Variants in PAK2 observed in about 807,000 individuals in gnomAD.
PAK2 encodes serine/threonine-protein kinase PAK 2.
PAK2 carries 21 observed loss-of-function variants against 65.9 expected under a neutral mutation model. The ratio of observed to expected loss-of-function variants is 0.32; its 90% CI spans 0.23 to 0.46. The LOEUF is 0.46. PAK2 is among the 20% of genes least tolerant of loss of function. The pLI, the probability that PAK2 is intolerant of heterozygous loss-of-function variation, is 1.00. For missense variants in PAK2, 324 were observed against 642.6 expected (o/e 0.50, Z 5.36); for synonymous variants, 204 against 219.7 (o/e 0.93, Z 0.63).
intron 1 of PAK2, among the ~76,000 whole-genome samples, chr3:196,772,338 C>T (rs1714386318): frequency 6.6e-6 from 1 of 152,132 alleles, no homozygotes; most frequent in South Asian, 2.1e-4. Context: ...GTCAGAATCC[C>T]TCGAGAATAA....
chr3:196,807,883 G>A lies in PAK2; in HGVS notation c.678G>A (p.Lys226=). 1 of 1,598,854 alleles carries A rather than the reference G, an allele frequency of 6.3e-7. No homozygotes were observed. The highest frequency in any genetic ancestry group is 8.6e-7 in the Non-Finnish European group (1 of 1,166,342). The change falls in exon 7 of 15, where the codon AAG becomes AAA. Residue 226 remains lysine (K), a synonymous_variant. Coordinates refer to ENST00000327134, the MANE Select transcript of PAK2 (RefSeq NM_002577.4). ...TAGACAAACAGAAAAAGAAGACTAA[G>A]ATGACAGATGAAGAGATTATGGAGA... ...KSLDKQKKKT[K]MTDEEIMEKL...
chr3:196,806,491 A>G, intron 5 of PAK2, 88 bp from the exon 6 acceptor site: 1 of 794,858 alleles, frequency 1.3e-6, no homozygotes, highest in Non-Finnish European at 2.2e-6. Context: ...TCAAAGAAGC[A>G]AACTTTTTGA....
intron 1 of PAK2, among the ~76,000 whole-genome samples, chr3:196,742,929 G>C (rs990468783): frequency 6.6e-6 from 1 of 151,800 alleles, no homozygotes; most frequent in Non-Finnish European, 1.5e-5. Context: ...CATTAAAAAA[G>C]AAAAAGAAAA....
In PAK2 at chr3:196,831,816, A is replaced by G. The variant is rs567472999; in HGVS notation, c.*3411A>G. On this transcript the variant is annotated 3_prime_UTR_variant, in exon 15 of 15. Transcript: ENST00000327134. ...ACATCTAGTGAAATGTCAGTGTCAAAATATTATAGATTATAGCTAAAATCC... is the reference window on the plus strand; with the variant it reads ...ACATCTAGTGAAATGTCAGTGTCAAGATATTATAGATTATAGCTAAAATCC... 1 of 152,194 alleles carries G rather than the reference A, an allele frequency of 6.6e-6. No homozygotes were observed. Among genetic ancestry groups the G allele is most frequent in the Non-Finnish European group, 1.5e-5 (1 of 68,038 alleles). 9.4% of individuals were successfully genotyped at this position (152,194 alleles called of 1,614,324 possible). A position where few individuals can be genotyped will look rare whatever the true frequency, so the allele number is the denominator to read the frequency against.
At chr3:196,745,897 C>T (rs927490178) in intron 1 of PAK2, among the ~76,000 whole-genome samples, 4 of 150,518 alleles carry the variant, frequency 2.7e-5, no homozygotes, top group Non-Finnish European at 4.4e-5. Flanking sequence ...CTTCAGTAAA[C>T]GTCTTTATTT....
chr3:196,777,100 A>G (rs1714560178), intron 1 of PAK2, among the ~76,000 whole-genome samples: 1 of 152,216 alleles, frequency 6.6e-6, no homozygotes, highest in African/African-American at 2.4e-5. Context: ...TTCTCACTCA[A>G]CTTATTTTGT....
intron 5 of PAK2, among the ~76,000 whole-genome samples, chr3:196,805,950 C>T (rs923912958): frequency 1.3e-5 from 2 of 151,160 alleles, no homozygotes; most frequent in East Asian, 1.9e-4. Context: ...CTCGCTCTGT[C>T]GCCCAGGCTG....
At chr3:196,810,899 T>C (rs1426728395) in intron 8 of PAK2, among the ~76,000 whole-genome samples, 1 of 152,020 alleles carries the variant, frequency 6.6e-6, no homozygotes, top group Non-Finnish European at 1.5e-5. Context: ...CTGTGATAAT[T>C]AGAGGGAAGA....
chr3:196,768,019 T>C (rs896978692), intron 1 of PAK2, among the ~76,000 whole-genome samples: 2 of 152,058 alleles, frequency 1.3e-5, no homozygotes, highest in African/African-American at 4.8e-5. Context: ...TACAAGCTCC[T>C]CTTGGTTCAC....
intron 13 of PAK2, among the ~76,000 whole-genome samples, chr3:196,824,230 G>C (rs919845845): frequency 1.3e-5 from 2 of 152,160 alleles, no homozygotes; most frequent in Non-Finnish European, 2.9e-5. Flanking sequence ...AGTGGATCTT[G>C]GTGATTACAT....
At position 196,785,430 on chromosome 3, in the gene PAK2, G is replaced by T. The variant is rs182674442; in HGVS notation, c.187+2597G>T. 2.5e-3 allele frequency among the ~76,000 whole-genome samples: 388 copies of T among 152,282 alleles called. 2 individuals are homozygous for T. In the Middle Eastern group the frequency reaches 0.031, roughly 12 times the overall value. On this transcript the variant is annotated intron_variant, in intron 2 of 14. Transcript: ENST00000327134. ...TCAGATTGTTTTCTAAAAGTTTTTA[G>T]TGTACATTCTCACCCACAGAAGATG...
intron 11 of PAK2, among the ~76,000 whole-genome samples, chr3:196,815,906 A>G (rs1029690953): frequency 6.6e-6 from 1 of 152,144 alleles, no homozygotes; most frequent in Non-Finnish European, 1.5e-5. Context: ...CATTGAGTTC[A>G]CTAATGGTGA....
chr3:196,754,675 C>T (rs1713712331), intron 1 of PAK2, among the ~76,000 whole-genome samples: 1 of 152,206 alleles, frequency 6.6e-6, no homozygotes, highest in Non-Finnish European at 1.5e-5. Context: ...CACTAAACCT[C>T]CCAGGAAGCA....
intron 11 of PAK2, among the ~76,000 whole-genome samples, chr3:196,817,109 T>A (rs1711505560): frequency 6.6e-6 from 1 of 152,010 alleles, no homozygotes; most frequent in Non-Finnish European, 1.5e-5. Flanking sequence ...CCTGTGCATG[T>A]TTACCAAGTG....
intron 1 of PAK2, among the ~76,000 whole-genome samples, chr3:196,755,191 G>A (rs544765173): frequency 8.5e-5 from 13 of 152,192 alleles, no homozygotes; most frequent in Non-Finnish European, 1.3e-4. Context: ...TGAAACTTAG[G>A]TAATCACTTA....
At chr3:196,745,145 T>A (rs1194598852) in intron 1 of PAK2, among the ~76,000 whole-genome samples, 24 of 149,860 alleles carry the variant, frequency 1.6e-4, no homozygotes, top group African/African-American at 5.9e-4. Flanking sequence ...TGACAGAGTC[T>A]CACTCTGTCA....
At chr3:196,779,694 AT>A (rs1200338936) in intron 1 of PAK2, among the ~76,000 whole-genome samples, 4 of 152,030 alleles carry the variant, frequency 2.6e-5, no homozygotes, top group Non-Finnish European at 5.9e-5. Flanking sequence ...TGTTTTTGAG[AT>A]GATGTCTCAC....
Position 196,807,877 on chromosome 3 carries a change from G to A in PAK2, c.672G>A (p.Lys224=), listed in dbSNP as rs778959129. 9 of 1,601,672 alleles carry A rather than the reference G, an allele frequency of 5.6e-6. No homozygotes were observed. Among genetic ancestry groups the A allele is most frequent in the African/African-American group, 2.7e-5 (2 of 74,684 alleles). Residue 224 remains lysine, a synonymous_variant, in exon 7 of 15, where the codon AAG becomes AAA. Coordinates refer to ENST00000327134, the MANE Select transcript of PAK2 (RefSeq NM_002577.4). ...AAKSLDKQKK[K]TKMTDEEIME... ...AGTCTTTAGACAAACAGAAAAAGAAGACTAAGATGACAGATGAAGAGATTA... is the reference window on the plus strand; with the variant it reads ...AGTCTTTAGACAAACAGAAAAAGAAAACTAAGATGACAGATGAAGAGATTA...
At chr3:196,821,376 T>TA (rs1226736054) in intron 13 of PAK2, among the ~76,000 whole-genome samples, 1 of 151,624 alleles carries the variant, frequency 6.6e-6, no homozygotes, top group Non-Finnish European at 1.5e-5. Flanking sequence ...ACTTCACAAC[T>TA]ACTAGAATGG....
Sources: allele counts gnomAD v4.1 joint callset (sites outside exome capture counted in the v4.1 genomes callset), GRCh38; gene constraint gnomAD v4.1.1; transcripts MANE v1.5; gene names NCBI Gene and HGNC (gene_info 2026-07-23, HGNC 2026-07-21).